The following AOPEP variants were observed in gnomAD, a reference collection of about 807,000 sequenced individuals.
AOPEP encodes aminopeptidase O (putative).
Under a neutral mutation model 98.1 loss-of-function variants are expected in AOPEP, and 77 were observed. The ratio of observed to expected loss-of-function variants is 0.78; its 90% CI spans 0.65 to 0.95. AOPEP has a LOEUF of 0.95. Among genes scored for constraint, AOPEP ranks in the 40% least tolerant of loss-of-function variants. AOPEP has a pLI of 0.00. For synonymous variants in AOPEP, 346 were observed against 365.3 expected, an observed-to-expected ratio of 0.95 and a Z score of 0.60; for missense variants, 1,024 against 1,024.7, an observed-to-expected ratio of 1.00 and a Z score of 0.01.
At chr9:94,752,917 C>T (rs1447939889) in intron 1 of AOPEP, among the ~76,000 whole-genome samples, 2 of 152,294 alleles carry the variant, frequency 1.3e-5, no homozygotes, top group South Asian at 2.1e-4. Context: ...TTGAGATGCT[C>T]GTGCTGGGGG....
At chr9:95,069,777 C>T (rs1297790132) in intron 14 of AOPEP, among the ~76,000 whole-genome samples, 1 of 152,200 alleles carries the variant, frequency 6.6e-6, no homozygotes, top group Non-Finnish European at 1.5e-5. Context: ...TGTGATGGCC[C>T]TGGTAGCAGT....
intron 16 of AOPEP, among the ~76,000 whole-genome samples, chr9:95,083,437 T>C (rs1271143484): frequency 1.6e-3 from 79 of 49,250 alleles, no homozygotes; most frequent in Admixed American, 2.7e-3. Context: ...ACATGCAGCA[T>C]ACACACCAAA....
intron 9 of AOPEP, among the ~76,000 whole-genome samples, chr9:94,964,228 C>T (rs914666070): frequency 6.6e-6 from 1 of 152,248 alleles, no homozygotes; most frequent in African/African-American, 2.4e-5. Context: ...CTCCAGCTCA[C>T]TGCTCTGTTG....
chr9:94,897,437 A>T (rs55913709), intron 5 of AOPEP, among the ~76,000 whole-genome samples: 4,436 of 151,954 alleles, frequency 0.029, 167 homozygotes, highest in African/African-American at 0.084. Flanking sequence ...AATATTAAAT[A>T]AAAAAAAGCA....
intron 1 of AOPEP, among the ~76,000 whole-genome samples, chr9:94,742,522 C>T (rs1254836569): frequency 1.3e-5 from 2 of 151,952 alleles, no homozygotes; most frequent in African/African-American, 4.8e-5. Context: ...GCAACCTCTA[C>T]CTCCCAGGTT....
intron 4 of AOPEP, among the ~76,000 whole-genome samples, chr9:94,793,725 G>A (rs919646028): frequency 1.3e-5 from 2 of 151,734 alleles, no homozygotes; most frequent in Non-Finnish European, 2.9e-5. Context: ...GAGAAGAAGA[G>A]ATGTGAGCCT....
In AOPEP at chr9:94,773,068, C is replaced by T. The variant is rs772703145; in HGVS notation, c.864C>T (p.Pro288=). The T allele has an allele frequency of 2.1e-5, 34 of 1,613,928 alleles. No homozygotes were observed. Among genetic ancestry groups the T allele is most frequent in the Middle Eastern group, 1.6e-4 (1 of 6,084 alleles). The part of the protein sequence containing the change: ...NRALFPCQEP[P]VAMSTWQATV... ...CCCTTTTTCCATGCCAGGAGCCACC[C>T]GTTGCCATGTCAACATGGCAGGCTA... Residue 288 remains proline, a synonymous_variant, in exon 3 of 17, where the codon CCC becomes CCT. Coordinates refer to ENST00000375315, the MANE Select transcript of AOPEP (RefSeq NM_001193329.3).
At position 94,738,363 on chromosome 9, in the gene AOPEP, C is replaced by T. The variant is rs147526128; in HGVS notation, c.-136+11612C>T. Among the ~76,000 whole-genome samples the T allele has an allele frequency of 2.4e-3, 370 of 152,234 alleles. 2 individuals carry two copies. Among genetic ancestry groups the T allele is most frequent in the South Asian group, 0.018 (89 of 4,824 alleles). Reference sequence around the variant, plus strand: ...GGAAGTTTTGGGTGAATGGGATTCTCCTGGCCTTCCACTCTCTGAATATGT... The same window carrying T: ...GGAAGTTTTGGGTGAATGGGATTCTTCTGGCCTTCCACTCTCTGAATATGT... On this transcript the variant is annotated intron_variant, in intron 1 of 16. Coordinates refer to ENST00000375315, the MANE Select transcript of AOPEP (RefSeq NM_001193329.3).
chr9:95,011,503 A>T (rs146048818), intron 13 of AOPEP, among the ~76,000 whole-genome samples: 6 of 151,958 alleles, frequency 3.9e-5, no homozygotes, highest in African/African-American at 1.5e-4. Context: ...CGCACAGCTG[A>T]TGTATTTTTT....
At chr9:95,042,001 T>A (rs1256897177) in intron 13 of AOPEP, among the ~76,000 whole-genome samples, 1 of 152,086 alleles carries the variant, frequency 6.6e-6, no homozygotes, top group Non-Finnish European at 1.5e-5. Flanking sequence ...TGAATTCAAG[T>A]GTAGCCAAGA....
intron 5 of AOPEP, among the ~76,000 whole-genome samples, chr9:94,812,375 A>G (rs557866596): frequency 3.3e-5 from 5 of 152,200 alleles, no homozygotes; most frequent in African/African-American, 1.2e-4. Context: ...GTGCTTGCCA[A>G]CCTGTCCTCC....
intron 5 of AOPEP, among the ~76,000 whole-genome samples, chr9:94,857,480 G>A (rs989376327): frequency 4.6e-5 from 7 of 152,150 alleles, no homozygotes; most frequent in Admixed American, 3.3e-4. Context: ...TGGTAGGAGC[G>A]CATTTTCCTT....
intron 5 of AOPEP, among the ~76,000 whole-genome samples, chr9:94,891,963 G>A (rs187076298): frequency 6.6e-5 from 10 of 152,218 alleles, no homozygotes; most frequent in Admixed American, 6.5e-4. Context: ...TTTCTGAAAG[G>A]ATTTAGGGTT....
the AOPEP span, among the ~76,000 whole-genome samples, chr9:95,129,729 T>C: frequency 6.6e-6 from 1 of 152,224 alleles, no homozygotes; most frequent in Admixed American, 6.5e-5. Context: ...AGGGGAGCTA[T>C]GTCAGCAGGA....
chr9:94,767,965 T>C (rs1430108003), intron 2 of AOPEP, among the ~76,000 whole-genome samples: 1 of 152,164 alleles, frequency 6.6e-6, no homozygotes, highest in Non-Finnish European at 1.5e-5. Flanking sequence ...CTTCTTTTAG[T>C]AGTTCTGGTT....
rs2069960023 is a variant in AOPEP at position 95,082,620 on chromosome 9, GC to G, written c.2367del (p.Arg790AspfsTer119). 1 of 1,614,106 alleles carries G rather than the reference GC, an allele frequency of 6.2e-7. No individual in the cohort carries two copies. The highest frequency in any genetic ancestry group is 1.3e-5 in the African/African-American group (1 of 74,934). ...LYGELMVSED[A>X]RQQQLARRCF... ...CGGGGAGCTGATGGTGAGTGAGGACGCCAGACAGCAGCAGCTCGCCCGTAGG... is the reference window on the plus strand; with the variant it reads ...CGGGGAGCTGATGGTGAGTGAGGACGCAGACAGCAGCAGCTCGCCCGTAGG... On this transcript the variant is annotated frameshift_variant, in exon 16 of 17. Coordinates refer to ENST00000375315, the MANE Select transcript of AOPEP (RefSeq NM_001193329.3). LOFTEE classifies it high-confidence loss of function.
rs116563735 is a variant in AOPEP at position 95,086,373 on chromosome 9, C to T, written c.*5-309C>T. ...AGGGAGGCAGGGCCCAGCTCTCCCA[C>T]GGCGAGGTGAGCTGAGACTTTCTGA... On this transcript the variant is annotated intron_variant, in intron 16 of 16. Transcript: ENST00000375315. 1.3e-4 allele frequency: 130 copies of T among 985,416 alleles called. 1 individual carries two copies. In the African/African-American group the frequency reaches 1.9e-3, roughly 15 times the overall value. 61.0% of individuals were successfully genotyped at this position (985,416 alleles called of 1,614,324 possible). A position where few individuals can be genotyped will look rare whatever the true frequency, so the allele number is the denominator to read the frequency against.
the AOPEP span, among the ~76,000 whole-genome samples, chr9:95,140,108 T>C: frequency 2.6e-5 from 4 of 152,076 alleles, no homozygotes; most frequent in Non-Finnish European, 5.9e-5. Flanking sequence ...GGGAGAGTTT[T>C]CTGTATCATA....
intron 13 of AOPEP, among the ~76,000 whole-genome samples, chr9:95,018,181 A>T (rs1025652636): frequency 6.6e-6 from 1 of 152,114 alleles, no homozygotes; most frequent in Admixed American, 6.5e-5. Flanking sequence ...TATGGCAGGT[A>T]TATGTTTAAC....
Sources: gnomAD v4.1 joint callset for allele counts (sites outside exome capture counted in the v4.1 genomes callset) on GRCh38, gnomAD v4.1.1 for gene constraint, MANE v1.5 for transcripts, NCBI Gene and HGNC (gene_info 2026-07-23, HGNC 2026-07-21) for gene names.